SLC35A3: variants seen among roughly 807,000 people sequenced by gnomAD.
SLC35A3 encodes solute carrier family 35 member A3.
SLC35A3 carries 26 observed loss-of-function variants against 39.0 expected under a neutral mutation model. That is an observed-to-expected ratio of 0.67 (90% CI 0.49 to 0.92). SLC35A3 has a LOEUF of 0.92. Ranked by LOEUF, SLC35A3 falls within the 40% of genes least tolerant of loss-of-function variation. The pLI is 0.00. For synonymous variants in SLC35A3, 135 were observed against 133.1 expected (o/e 1.01, Z -0.10); for missense variants, 299 against 371.6 (o/e 0.80, Z 1.61).
chr1:99,999,197 G>C (rs576447925), intron 2 of SLC35A3, 64 bp from the exon 3 acceptor site: 13 of 1,044,528 alleles, frequency 1.2e-5, no homozygotes, highest in Admixed American at 3.0e-5. Context: ...TTGAGATCTT[G>C]AGAGCAGATA....
At chr1:100,004,425 C>T (rs1243634624) in intron 3 of SLC35A3, among the ~76,000 whole-genome samples, 1 of 152,166 alleles carries the variant, frequency 6.6e-6, no homozygotes, top group African/African-American at 2.4e-5. Flanking sequence ...CCTCAGCCTC[C>T]CAAGTAGCTG....
At chr1:100,007,540 T>G (rs1659329230) in intron 4 of SLC35A3, 1 of 157,146 alleles carries the variant, frequency 6.4e-6, no homozygotes, top group South Asian at 1.9e-4. Context: ...GATTCCTTAT[T>G]GGTTTTCTTC....
chr1:100,009,701 C>G (rs1659486166), intron 4 of SLC35A3: 2 of 152,030 alleles, frequency 1.3e-5, no homozygotes, highest in African/African-American at 2.4e-5. Context: ...AAGAGTTGTT[C>G]CAAGGGAAGA....
chr1:99,977,364 C>CAAA (rs61423393), intron 1 of SLC35A3, among the ~76,000 whole-genome samples: 6,481 of 98,328 alleles, frequency 0.066, 432 homozygotes, highest in African/African-American at 0.17. Context: ...TTAAAAATAC[C>CAAA]AAAAAAAAAA....
chr1:99,997,198 A>G (rs1232372163), intron 2 of SLC35A3, among the ~76,000 whole-genome samples: 5 of 151,520 alleles, frequency 3.3e-5, no homozygotes, highest in South Asian at 2.1e-4. Flanking sequence ...CCTTGCAGCT[A>G]TGGGTAGTTA....
At chr1:99,973,400 T>C (rs1656926649) in intron 1 of SLC35A3, among the ~76,000 whole-genome samples, 1 of 152,248 alleles carries the variant, frequency 6.6e-6, no homozygotes, top group Admixed American at 6.5e-5. Flanking sequence ...TATTCTTAAG[T>C]ATGTTCAACT....
chr1:99,996,413 CAGA>C (rs1351003191), intron 2 of SLC35A3, among the ~76,000 whole-genome samples: 1 of 152,096 alleles, frequency 6.6e-6, no homozygotes, highest in Non-Finnish European at 1.5e-5. Context: ...AGGTAATTCA[CAGA>C]AGAAGAAACC....
chr1:99,984,735 G>C (rs557185542), intron 1 of SLC35A3, among the ~76,000 whole-genome samples: 22 of 152,232 alleles, frequency 1.4e-4, no homozygotes, highest in African/African-American at 5.3e-4. Flanking sequence ...ACACATCCAT[G>C]CCAACATCTA....
intron 1 of SLC35A3, among the ~76,000 whole-genome samples, chr1:99,980,544 C>G (rs1262057774): frequency 6.6e-6 from 1 of 152,084 alleles, no homozygotes; most frequent in Non-Finnish European, 1.5e-5. Context: ...GCTGAATACT[C>G]TTGGTTTTAT....
At chr1:100,015,270 C>A in intron 5 of SLC35A3, 32 bp from the exon 6 acceptor site, 1 of 1,506,814 alleles carries the variant, frequency 6.6e-7, no homozygotes, top group Non-Finnish European at 8.9e-7. Context: ...ACAAACTAAA[C>A]GATATATCAT....
chr1:100,003,774 T>C (rs1188484999), intron 3 of SLC35A3, among the ~76,000 whole-genome samples: 1 of 152,234 alleles, frequency 6.6e-6, no homozygotes, highest in African/African-American at 2.4e-5. Flanking sequence ...TTAGAGCTAC[T>C]AATATTTTCT....
intron 1 of SLC35A3, among the ~76,000 whole-genome samples, chr1:99,975,538 C>G (rs1657060278): frequency 6.6e-6 from 1 of 152,122 alleles, no homozygotes; most frequent in Admixed American, 6.5e-5. Flanking sequence ...TATGAAACTT[C>G]ACTAAAACTT....
At chr1:100,008,925 G>A (rs906826932) in intron 4 of SLC35A3, 3 of 152,180 alleles carry the variant, frequency 2.0e-5, no homozygotes, top group Admixed American at 2.0e-4. Flanking sequence ...TGCCTAATTA[G>A]CAAGACTTAA....
Position 100,027,157 on chromosome 1 carries a change from G to T in SLC35A3, c.*4681G>T, listed in dbSNP as rs932789018. On this transcript the variant is annotated 3_prime_UTR_variant, in exon 8 of 8. Transcript: ENST00000533028. ...TTTTCTCTAGCCCATATTCTAGCAT[G>T]AAATACTGGGTTGGCCAGGTGCAGT... The T allele has an allele frequency of 7.5e-6, 3 of 398,418 alleles. No homozygotes were observed. Among genetic ancestry groups the T allele is most frequent in the Non-Finnish European group, 1.3e-5 (3 of 226,066 alleles). The allele number at this position is 398,418 out of a possible 1,614,324, so 24.7% of individuals were successfully genotyped here. A position where few individuals can be genotyped will look rare whatever the true frequency, so the allele number is the denominator to read the frequency against.
rs1167158195 is a variant in SLC35A3, at chr1:100,025,386, A to G, written c.*2910A>G. The stretch of plus-strand genomic sequence containing the variant: ...TATACAAGCAAATTAGATATTAGAC[A>G]TGTTAGTTACAATGGTAACACATTT... On this transcript the variant is annotated 3_prime_UTR_variant, in exon 8 of 8. Transcript: ENST00000533028. 1.3e-5 allele frequency: 2 copies of G among 152,226 alleles called. No homozygotes were observed. Among genetic ancestry groups the G allele is most frequent in the African/African-American group, 4.8e-5 (2 of 41,458 alleles). 9.4% of individuals were successfully genotyped at this position (152,226 alleles called of 1,614,324 possible).
Position 99,989,404 on chromosome 1 carries a change from C to T in SLC35A3, c.-18-4133C>T, listed in dbSNP as rs182280785. Among the ~76,000 whole-genome samples the T allele has an allele frequency of 8.9e-3, 1,351 of 152,238 alleles. 10 individuals are homozygous for T. Among genetic ancestry groups the T allele is most frequent in the Middle Eastern group, 0.054 (16 of 294 alleles). On this transcript the variant is annotated intron_variant, in intron 1 of 7. Coordinates refer to ENST00000533028, the MANE Select transcript of SLC35A3 (RefSeq NM_012243.3). ...GTTCAAGCAATTCTCCTGCCTCAGCCTCCTGAGTAGCTGGGATTACAGGCA... is the reference window on the plus strand; with the variant it reads ...GTTCAAGCAATTCTCCTGCCTCAGCTTCCTGAGTAGCTGGGATTACAGGCA...
chr1:100,000,104 G>T (rs565902553), intron 3 of SLC35A3, among the ~76,000 whole-genome samples: 1 of 152,242 alleles, frequency 6.6e-6, no homozygotes, highest in South Asian at 2.1e-4. Context: ...CCAGTAGTGG[G>T]ATTGCTGGAT....
chr1:100,021,895 G>A (rs1645991812), intron 7 of SLC35A3, among the ~76,000 whole-genome samples: 1 of 152,018 alleles, frequency 6.6e-6, no homozygotes, highest in African/African-American at 2.4e-5. Flanking sequence ...ACTTTACCTT[G>A]GTTTAACATG....
chr1:100,001,342 A>G (rs1658782912), intron 3 of SLC35A3, among the ~76,000 whole-genome samples: 1 of 152,152 alleles, frequency 6.6e-6, no homozygotes, highest in African/African-American at 2.4e-5. Context: ...ATCCACAAGC[A>G]TGGTATATCT....
Sources: gnomAD v4.1 joint callset for allele counts (sites outside exome capture counted in the v4.1 genomes callset) on GRCh38, gnomAD v4.1.1 for gene constraint, MANE v1.5 for transcripts, NCBI Gene and HGNC (gene_info 2026-07-23, HGNC 2026-07-21) for gene names.